Variants in DDX52 observed in about 807,000 individuals in gnomAD.
The protein encoded by DDX52 is probable ATP-dependent RNA helicase DDX52.
DDX52 carries 59 observed loss-of-function variants against 76.1 expected under a neutral mutation model. The observed-to-expected ratio is 0.78, with a 90% CI of 0.63 to 0.96. The LOEUF is 0.96. Ranked by LOEUF, DDX52 falls within the 40% of genes least tolerant of loss-of-function variation. The probability of loss-of-function intolerance (pLI) is 0.00; values close to 1 mark genes in which losing one functional copy is unlikely to be tolerated. For missense variants in DDX52, 707 were observed against 703.9 expected, an observed-to-expected ratio of 1.00 and a Z score of -0.05; for synonymous variants, 231 against 244.1, an observed-to-expected ratio of 0.95 and a Z score of 0.50.
chr17:37,643,301 G>T lies in DDX52; in HGVS notation c.87+33C>A, dbSNP rs749416506. On this transcript the variant is annotated intron_variant, in intron 1 of 14. Coordinates refer to ENST00000617633, the MANE Select transcript of DDX52 (RefSeq NM_007010.5). ...ATTCCCGGGCTCCTGCTCCTTCTCA[G>T]TTACTCGGCCCTCGGTCCCTTGGGC... 4.4e-6 allele frequency: 7 copies of T among 1,596,676 alleles called. No homozygotes were observed. The South Asian group carries it at 7.7e-5, about 18-fold the overall frequency.
At chr17:37,621,649 C>G in intron 9 of DDX52, 129 bp from the exon 10 acceptor site, 1 of 1,225,532 alleles carries the variant, frequency 8.2e-7, no homozygotes, top group Non-Finnish European at 1.1e-6. Context: ...ATTTCTTGGG[C>G]TAGTGGTCTA....
In DDX52 at chr17:37,612,022, TTTA is replaced by T. The variant is rs1310198721; in HGVS notation, c.*2271_*2273del. The T allele has an allele frequency of 1.0e-4, 15 of 148,396 alleles. 1 individual carries two copies. Among genetic ancestry groups the T allele is most frequent in the African/African-American group, 3.7e-4 (15 of 40,820 alleles). 9.2% of individuals were successfully genotyped at this position (148,396 alleles called of 1,614,324 possible). On this transcript the variant is annotated 3_prime_UTR_variant, in exon 15 of 15. Coordinates refer to ENST00000617633, the MANE Select transcript of DDX52 (RefSeq NM_007010.5). ...AAAAGTTACAGTAAGCTAAGGTTAA[TTTA>T]TTGAAGAAAAAATATATATCTAATA... is the stretch of plus-strand genomic sequence containing the variant.
chr17:37,624,035 C>G (rs1396648077), intron 9 of DDX52: 2 of 179,530 alleles, frequency 1.1e-5, no homozygotes, highest in African/African-American at 4.7e-5. Context: ...CTCAGGGCAT[C>G]AGATAGATCG....
At chr17:37,639,467 G>C (rs995318592) in intron 2 of DDX52, 26 of 997,442 alleles carry the variant, frequency 2.6e-5, no homozygotes, top group East Asian at 2.2e-4. Context: ...GCTGGGCGTG[G>C]TGGCTCACAT....
intron 2 of DDX52, among the ~76,000 whole-genome samples, chr17:37,637,724 G>A (rs1032089479): frequency 5.3e-5 from 8 of 151,564 alleles, no homozygotes; most frequent in African/African-American, 1.5e-4. Flanking sequence ...ATAGGCATGC[G>A]CCACCACGCC....
chr17:37,624,529 C>A, intron 8 of DDX52, 95 bp from the exon 9 acceptor site: 1 of 851,290 alleles, frequency 1.2e-6, no homozygotes, highest in Non-Finnish European at 1.7e-6. Context: ...ACAACTCCAA[C>A]AAAATCAATT....
chr17:37,618,735 T>C (rs563909616), intron 13 of DDX52, among the ~76,000 whole-genome samples: 1 of 152,256 alleles, frequency 6.6e-6, no homozygotes, highest in African/African-American at 2.4e-5. Flanking sequence ...CCCGCCCGCC[T>C]CGGCCTCCCA....
chr17:37,625,785 C>A, intron 8 of DDX52, 110 bp downstream of exon 8: 1 of 1,176,626 alleles, frequency 8.5e-7, no homozygotes. Flanking sequence ...ATCAGTAAAA[C>A]TCTCTCCCTT....
intron 2 of DDX52, among the ~76,000 whole-genome samples, chr17:37,635,185 T>C (rs537479809): frequency 8.5e-5 from 13 of 152,336 alleles, no homozygotes; most frequent in African/African-American, 3.1e-4. Context: ...GTTCTAAAAC[T>C]AGCAAAGACT....
At chr17:37,620,175 T>C (rs764867572) in intron 12 of DDX52, 3 of 234,680 alleles carry the variant, frequency 1.3e-5, no homozygotes, top group South Asian at 1.1e-4. Context: ...TACTATGGGG[T>C]TGGCACCGTT....
chr17:37,626,540 C>T (rs2147349563), intron 7 of DDX52, among the ~76,000 whole-genome samples: 1 of 152,236 alleles, frequency 6.6e-6, no homozygotes, highest in East Asian at 1.9e-4. Flanking sequence ...TGAAAACGGA[C>T]TAACACAGCA....
At chr17:37,639,090 T>A (rs2147369085) in intron 2 of DDX52, among the ~76,000 whole-genome samples, 1 of 151,864 alleles carries the variant, frequency 6.6e-6, no homozygotes, top group African/African-American at 2.4e-5. Context: ...TAAAAAAACG[T>A]AATGCGCAGA....
chr17:37,614,753 T>C (rs568875694), intron 14 of DDX52, among the ~76,000 whole-genome samples: 133 of 152,252 alleles, frequency 8.7e-4, no homozygotes, highest in African/African-American at 2.9e-3. Context: ...AGGCACAGAG[T>C]GGTTGACTTG....
At chr17:37,641,011 AC>A in intron 2 of DDX52, among the ~76,000 whole-genome samples, 1 of 152,130 alleles carries the variant, frequency 6.6e-6, no homozygotes, top group Admixed American at 6.5e-5. Flanking sequence ...CAACAAAAAA[AC>A]AAAAACCTCT....
At chr17:37,638,792 C>T (rs1279392386) in intron 2 of DDX52, among the ~76,000 whole-genome samples, 1 of 122,200 alleles carries the variant, frequency 8.2e-6, no homozygotes, top group Non-Finnish European at 1.6e-5. Context: ...TTTTTTGAGA[C>T]AGAGTCTTGC....
intron 9 of DDX52, 22 bp from the exon 10 acceptor site, chr17:37,621,542 C>T: frequency 6.3e-7 from 1 of 1,595,172 alleles, no homozygotes; most frequent in Non-Finnish European, 8.5e-7. Flanking sequence ...CAAAAATTGG[C>T]ATACATAACT....
At chr17:37,640,909 G>C (rs1033948346) in intron 2 of DDX52, among the ~76,000 whole-genome samples, 3 of 151,944 alleles carry the variant, frequency 2.0e-5, no homozygotes, top group Non-Finnish European at 4.4e-5. Context: ...ACTTGAACCT[G>C]GGAGGCAGAG....
chr17:37,635,577 T>G (rs2030885765), intron 2 of DDX52: 1 of 455,306 alleles, frequency 2.2e-6, no homozygotes, highest in Non-Finnish European at 4.4e-6. Context: ...AGTATTCCAT[T>G]GTAATGGATG....
chr17:37,618,847 C>G lies in DDX52; in HGVS notation c.1650-463G>C, dbSNP rs568734366. ...GTGGGGCTGTAACTACTTTAATAAA[C>G]GAGATCGCCTAATAGGATTTACAGA... is the stretch of plus-strand genomic sequence containing the variant. On this transcript the variant is annotated intron_variant, in intron 13 of 14. Coordinates refer to ENST00000617633, the MANE Select transcript of DDX52 (RefSeq NM_007010.5). Among the ~76,000 whole-genome samples, 10 of 152,230 alleles carry G rather than the reference C, an allele frequency of 6.6e-5. No homozygotes were observed. In the South Asian group the frequency reaches 2.1e-3, roughly 32 times the overall value.
Sources: gnomAD v4.1 joint callset for allele counts (sites outside exome capture counted in the v4.1 genomes callset) on GRCh38, gnomAD v4.1.1 for gene constraint, MANE v1.5 for transcripts, NCBI Gene and HGNC (gene_info 2026-07-23, HGNC 2026-07-21) for gene names.